STK24: variants seen among roughly 807,000 people sequenced by gnomAD.
STK24 encodes the protein serine/threonine-protein kinase 24.
STK24 carries 21 observed loss-of-function variants against 55.6 expected under a neutral mutation model. The ratio of observed to expected loss-of-function variants is 0.38; its 90% CI spans 0.27 to 0.54. STK24 has a LOEUF of 0.54. Ranked by LOEUF, STK24 falls within the 20% of genes least tolerant of loss-of-function variation. The pLI is 0.79. For missense variants in STK24, 383 were observed against 538.4 expected (o/e 0.71, Z 2.86); for synonymous variants, 200 against 215.2 (o/e 0.93, Z 0.62).
chr13:98,554,353 T>C (rs1897234853), intron 1 of STK24, among the ~76,000 whole-genome samples: 1 of 152,166 alleles, frequency 6.6e-6, no homozygotes. Context: ...TCACTTTAAT[T>C]ACTAAAATTA....
intron 10 of STK24, chr13:98,455,304 A>G (rs906970867): frequency 7.9e-5 from 12 of 152,290 alleles, no homozygotes; most frequent in Admixed American, 2.6e-4. Flanking sequence ...TGGAGTGCAA[A>G]CGTGATCACA....
intron 5 of STK24, 53 bp from the exon 6 acceptor site, chr13:98,466,614 C>A: frequency 1.3e-6 from 2 of 1,584,778 alleles, no homozygotes; most frequent in South Asian, 2.3e-5. Context: ...TATTCCAATA[C>A]ACAGTATTTA....
At chr13:98,463,470 T>C (rs1366253644) in intron 7 of STK24, among the ~76,000 whole-genome samples, 2 of 151,772 alleles carry the variant, frequency 1.3e-5, no homozygotes, top group Non-Finnish European at 2.9e-5. Context: ...CATGCACAGC[T>C]CTACCACAAG....
Position 98,548,361 on chromosome 13 carries a change from G to T in STK24, c.42+28384C>A, listed in dbSNP as rs111641134. Among the ~76,000 whole-genome samples the T allele has an allele frequency of 7.2e-3, 1,089 of 152,182 alleles. 13 individuals are homozygous for T. The highest frequency in any genetic ancestry group is 0.02 in the African/African-American group (832 of 41,494). On this transcript the variant is annotated intron_variant, in intron 1 of 10. Transcript: ENST00000539966. ...GCCTCAGCTGTGTTGTCCTTTCTAAGCCACAACTGCCAATGCTACATAAAG... is the reference window on the plus strand; with the variant it reads ...GCCTCAGCTGTGTTGTCCTTTCTAATCCACAACTGCCAATGCTACATAAAG...
intron 1 of STK24, among the ~76,000 whole-genome samples, chr13:98,543,651 G>T (rs1247909009): frequency 6.6e-6 from 1 of 152,184 alleles, no homozygotes; most frequent in Non-Finnish European, 1.5e-5. Flanking sequence ...CCGCACTGGG[G>T]CCCGGAAGCC....
At chr13:98,534,325 G>C (rs1210448930) in intron 1 of STK24, among the ~76,000 whole-genome samples, 6 of 152,134 alleles carry the variant, frequency 3.9e-5, no homozygotes, top group African/African-American at 1.2e-4. Context: ...AAAGAGATCT[G>C]ACCTAACCGA....
intron 2 of STK24, among the ~76,000 whole-genome samples, chr13:98,515,513 T>C (rs1325546938): frequency 1.4e-5 from 2 of 147,964 alleles, no homozygotes; most frequent in Admixed American, 6.7e-5. Context: ...TCCATAAATA[T>C]TGGGGGGGTG....
At position 98,483,486 on chromosome 13, in the gene STK24, T is replaced by G. The variant is rs116086462; in HGVS notation, c.274-1165A>C. ...TCTTAGAACACCCAAGGAAGACCCC[T>G]CAGTTCGCCCCTGACTCCAGGTCTC... On this transcript the variant is annotated intron_variant, in intron 2 of 10. Coordinates refer to ENST00000539966, the MANE Select transcript of STK24 (RefSeq NM_001032296.4). Among the ~76,000 whole-genome samples the G allele has an allele frequency of 9.1e-3, 1,392 of 152,222 alleles. 19 individuals are homozygous for G. Among genetic ancestry groups the G allele is most frequent in the African/African-American group, 0.031 (1,271 of 41,544 alleles).
intron 2 of STK24, among the ~76,000 whole-genome samples, chr13:98,485,513 T>A (rs1017029937): frequency 9.2e-5 from 14 of 152,190 alleles, no homozygotes; most frequent in Non-Finnish European, 2.1e-4. Context: ...GCTCAGAATC[T>A]TGTAGCCCCA....
At chr13:98,556,312 C>T (rs9517349) in intron 1 of STK24, among the ~76,000 whole-genome samples, 112,818 of 152,132 alleles carry the variant, frequency 0.74, 41,977 homozygotes, top group Non-Finnish European at 0.78. Flanking sequence ...TGCTCTTTGT[C>T]CCCCAGGATC....
At chr13:98,486,313 T>C (rs1340025417) in intron 2 of STK24, among the ~76,000 whole-genome samples, 1 of 151,886 alleles carries the variant, frequency 6.6e-6, no homozygotes, top group East Asian at 1.9e-4. Context: ...AGCACTGCAC[T>C]GGGAAGGTAG....
Position 98,447,913 on chromosome 13 carries a change from T to C in STK24, c.*5260A>G. ...AGCAGGATGGGACACGTCCCGCCAT[T>C]CTCTGCCATGTCCATGAAAATAGGA... On this transcript the variant is annotated 3_prime_UTR_variant, in exon 11 of 11. Coordinates refer to ENST00000539966, the MANE Select transcript of STK24 (RefSeq NM_001032296.4). 2.7e-6 allele frequency: 1 copy of C among 374,506 alleles called. No homozygotes were observed. The highest frequency in any genetic ancestry group is 4.9e-6 in the Non-Finnish European group (1 of 204,560). 23.2% of individuals were successfully genotyped at this position (374,506 alleles called of 1,614,324 possible).
intron 1 of STK24, among the ~76,000 whole-genome samples, chr13:98,572,539 G>A (rs563779372): frequency 1.3e-5 from 2 of 152,272 alleles, no homozygotes; most frequent in South Asian, 4.1e-4. Context: ...CAGACTCCCA[G>A]AGTGCACAGG....
Position 98,448,912 on chromosome 13 carries a change from C to A in STK24, c.*4261G>T, listed in dbSNP as rs111585806. The A allele has an allele frequency of 6.6e-6, 1 of 152,198 alleles. No homozygotes were observed. The highest frequency in any genetic ancestry group is 2.4e-5 in the African/African-American group (1 of 41,434). 9.4% of individuals were successfully genotyped at this position (152,198 alleles called of 1,614,324 possible). On this transcript the variant is annotated 3_prime_UTR_variant, in exon 11 of 11. Transcript: ENST00000539966. ...CACAGCGTTCCACTGCGGGGTTTCA[C>A]GCTCACCTGAAAACACCTGTTCCCA... is the stretch of plus-strand genomic sequence containing the variant.
At chr13:98,460,572 T>C in intron 8 of STK24, 132 bp from the exon 9 acceptor site, 1 of 680,760 alleles carries the variant, frequency 1.5e-6, no homozygotes. Context: ...AAACACCCTC[T>C]GCGCACCATA....
At chr13:98,471,442 A>G (rs1894141079) in intron 5 of STK24, among the ~76,000 whole-genome samples, 1 of 152,220 alleles carries the variant, frequency 6.6e-6, no homozygotes, top group Non-Finnish European at 1.5e-5. Flanking sequence ...TTGAAACCGG[A>G]GGCTTCTTCG....
intron 1 of STK24, among the ~76,000 whole-genome samples, chr13:98,534,913 A>C (rs904524744): frequency 6.6e-6 from 1 of 152,248 alleles, no homozygotes; most frequent in Non-Finnish European, 1.5e-5. Flanking sequence ...CACTATGTGA[A>C]TTAAACTCTT....
In STK24 at chr13:98,474,854, G is replaced by A. The variant is rs760532938; in HGVS notation, c.564C>T (p.Pro188=). 5.0e-6 allele frequency: 8 copies of A among 1,613,668 alleles called. No individual in the cohort carries two copies. Among genetic ancestry groups the A allele is most frequent in the African/African-American group, 2.7e-5 (2 of 74,906 alleles). The change falls in exon 5 of 11, where the codon CCC becomes CCT. Residue 188 remains proline (P), a synonymous_variant. Transcript: ENST00000539966. ...CATAGGCCGACTGTTTGATGACCTC[G>A]GGTGCCATCCAGAATGGGGTGCCCA... is the stretch of plus-strand genomic sequence containing the variant. ...TFVGTPFWMA[P]EVIKQSAYDS... is the part of the protein sequence containing the mutation.
chr13:98,548,331 C>G (rs1335797464), intron 1 of STK24, among the ~76,000 whole-genome samples: 1 of 152,162 alleles, frequency 6.6e-6, no homozygotes, highest in African/African-American at 2.4e-5. Context: ...ATGGTGTGAC[C>G]TGCAGCCTCA....
Sources: gnomAD v4.1 joint callset for allele counts (sites outside exome capture counted in the v4.1 genomes callset) on GRCh38, gnomAD v4.1.1 for gene constraint, MANE v1.5 for transcripts, NCBI Gene and HGNC (gene_info 2026-07-23, HGNC 2026-07-21) for gene names.